Variants in MSI2 observed in about 807,000 individuals in gnomAD.
The protein encoded by MSI2 is RNA-binding protein Musashi homolog 2.
In MSI2, 17 loss-of-function variants were observed where a neutral mutation model predicts 45.6. The observed-to-expected ratio is 0.37, with a 90% CI of 0.26 to 0.56. The LOEUF (loss-of-function observed/expected upper bound fraction) is 0.56. MSI2 is among the 20% of genes least tolerant of loss of function. The pLI, the probability that MSI2 is intolerant of heterozygous loss-of-function variation, is 0.77. For synonymous variants in MSI2, 156 were observed against 158.2 expected (o/e 0.99, Z 0.11); for missense variants, 293 against 444.2 (o/e 0.66, Z 3.06).
intron 6 of MSI2, among the ~76,000 whole-genome samples, chr17:57,519,271 A>C (rs555649174): frequency 1.1e-3 from 173 of 152,312 alleles, no homozygotes; most frequent in Non-Finnish European, 2.0e-3. Context: ...GGGTGTGTGC[A>C]TGCAGGCGAG....
chr17:57,285,821 T>A, intron 5 of MSI2: 1 of 1,400,494 alleles, frequency 7.1e-7, no homozygotes, highest in Non-Finnish European at 9.2e-7. Flanking sequence ...GCCCGTCAGT[T>A]AGCCAAGCCT....
chr17:57,693,879 A>C, the MSI2 span, among the ~76,000 whole-genome samples: 3 of 152,260 alleles, frequency 2.0e-5, no homozygotes, highest in Non-Finnish European at 4.4e-5. Context: ...CTTGGGCCAA[A>C]TCAGGCCTGT....
chr17:57,458,379 C>T (rs1347473509), intron 6 of MSI2, among the ~76,000 whole-genome samples: 6 of 152,142 alleles, frequency 3.9e-5, no homozygotes, highest in Non-Finnish European at 7.4e-5. Flanking sequence ...GGATTATAGG[C>T]GTGAGCCACC....
intron 6 of MSI2, among the ~76,000 whole-genome samples, chr17:57,464,437 C>G (rs561790086): frequency 1.4e-4 from 21 of 152,082 alleles, no homozygotes; most frequent in Admixed American, 2.6e-4. Context: ...GAGCAAGACC[C>G]TATTTCAAAA....
intron 8 of MSI2, among the ~76,000 whole-genome samples, chr17:57,606,782 G>A (rs897913122): frequency 6.6e-6 from 1 of 152,066 alleles, no homozygotes; most frequent in African/African-American, 2.4e-5. Context: ...TCTGGAAGTG[G>A]TAAGGAGATC....
intron 11 of MSI2, among the ~76,000 whole-genome samples, chr17:57,672,447 A>G (rs541401802): frequency 6.6e-6 from 1 of 152,314 alleles, no homozygotes; most frequent in South Asian, 2.1e-4. Context: ...ATTTCTGAAC[A>G]GCACCCTTCT....
chr17:57,271,098 T>C (rs558973783), intron 5 of MSI2, among the ~76,000 whole-genome samples: 2 of 152,286 alleles, frequency 1.3e-5, no homozygotes, highest in East Asian at 3.9e-4. Flanking sequence ...GGTCTCCCCA[T>C]GAGTCTTCTC....
At chr17:57,632,043 C>T (rs1242637680) in intron 10 of MSI2, 9 of 1,340,874 alleles carry the variant, frequency 6.7e-6, no homozygotes, top group Non-Finnish European at 8.6e-6. Flanking sequence ...CTCCAGTCCC[C>T]TCCCACTTTG....
At chr17:57,672,403 C>T (rs1912862032) in intron 11 of MSI2, among the ~76,000 whole-genome samples, 1 of 152,220 alleles carries the variant, frequency 6.6e-6, no homozygotes, top group Non-Finnish European at 1.5e-5. Flanking sequence ...ACCAACAGCC[C>T]TTTTGTCTTC....
chr17:57,600,919 G>A (rs992468708), intron 8 of MSI2: 39 of 152,250 alleles, frequency 2.6e-4, no homozygotes, highest in African/African-American at 8.9e-4. Flanking sequence ...GGCAAGGCAA[G>A]GCAGAGAGAG....
chr17:57,579,507 C>G (rs2088144089), intron 7 of MSI2, among the ~76,000 whole-genome samples: 1 of 152,190 alleles, frequency 6.6e-6, no homozygotes, highest in Admixed American at 6.5e-5. Flanking sequence ...CGCCTTGTGC[C>G]AGCCATCAGG....
chr17:57,268,078 T>G (rs1350661509), intron 5 of MSI2: 1 of 152,208 alleles, frequency 6.6e-6, no homozygotes, highest in Non-Finnish European at 1.5e-5. Flanking sequence ...TACCTTTTCT[T>G]TGGTTAAGCC....
rs1913766520 is a variant in MSI2, at chr17:57,683,898, T to C, written c.*4381T>C. 8.6e-6 allele frequency: 2 copies of C among 231,400 alleles called. No homozygotes were observed. The highest frequency in any genetic ancestry group is 1.7e-5 in the Non-Finnish European group (2 of 116,924). The allele number at this position is 231,400 out of a possible 1,614,324, so 14.3% of individuals were successfully genotyped here. A position where few individuals can be genotyped will look rare whatever the true frequency, so the allele number is the denominator to read the frequency against. ...AGACGCTGGAAGTTAAGCAATACTT[T>C]AATACTGTAATATGTTTGTTTTCTT... On this transcript the variant is annotated 3_prime_UTR_variant, in exon 14 of 14. Transcript: ENST00000284073. This position sits in a 1 kb window ranked among gnomAD's most constrained non-coding sequence, Gnocchi z 5.2.
At chr17:57,391,649 T>C (rs2083793371) in intron 5 of MSI2, among the ~76,000 whole-genome samples, 1 of 152,042 alleles carries the variant, frequency 6.6e-6, no homozygotes, top group South Asian at 2.1e-4. Context: ...CAACTCGGGC[T>C]CCCACTGCTG....
rs188454711 is a variant in MSI2, at chr17:57,419,660, C to T, written c.405+18189C>T. 6.2e-4 allele frequency among the ~76,000 whole-genome samples: 94 copies of T among 152,234 alleles called. 1 individual carries two copies. The highest frequency in any genetic ancestry group is 2.1e-3 in the African/African-American group (89 of 41,540). ...AAGTGCAGGGATTACAGGCATGAGC[C>T]ACTGTGCCAGCCAGCTAGTACATTT... is the stretch of plus-strand genomic sequence containing the variant. On this transcript the variant is annotated intron_variant, in intron 6 of 13. Coordinates refer to ENST00000284073, the MANE Select transcript of MSI2 (RefSeq NM_138962.4).
chr17:57,587,224 GC>G (rs1340141970), intron 7 of MSI2, among the ~76,000 whole-genome samples: 2 of 152,144 alleles, frequency 1.3e-5, no homozygotes, highest in Non-Finnish European at 2.9e-5. Flanking sequence ...ATAAATGGTC[GC>G]CAGGTTATGG....
intron 5 of MSI2, among the ~76,000 whole-genome samples, chr17:57,272,861 G>A (rs1280256098): frequency 6.6e-6 from 1 of 152,160 alleles, no homozygotes; most frequent in African/African-American, 2.4e-5. Flanking sequence ...GATAGGGCCT[G>A]GTGTATAGTG....
intron 8 of MSI2, among the ~76,000 whole-genome samples, chr17:57,606,898 G>A (rs960091257): frequency 2.0e-5 from 3 of 152,066 alleles, no homozygotes; most frequent in East Asian, 3.9e-4. Flanking sequence ...GGGGTGATGG[G>A]GGGGGGTGGC....
intron 11 of MSI2, among the ~76,000 whole-genome samples, chr17:57,669,755 G>A (rs1598511133): frequency 1.3e-5 from 2 of 152,190 alleles, no homozygotes; most frequent in African/African-American, 2.4e-5. Context: ...AATGGAGGCC[G>A]TGACACCAGT....
Sources: gnomAD v4.1 joint callset for allele counts (sites outside exome capture counted in the v4.1 genomes callset) on GRCh38, gnomAD v4.1.1 for gene constraint, Gnocchi (gnomAD v3.1) non-coding constraint, MANE v1.5 for transcripts, NCBI Gene and HGNC (gene_info 2026-07-23, HGNC 2026-07-21) for gene names.